Variants in PLXNA2 observed in about 807,000 individuals in gnomAD.
The protein encoded by PLXNA2 is plexin-A2.
PLXNA2 carries 91 observed loss-of-function variants against 193.5 expected under a neutral mutation model. The observed-to-expected ratio is 0.47, with a 90% CI of 0.40 to 0.56. The LOEUF is 0.56. PLXNA2 is among the 20% of genes least tolerant of loss of function. PLXNA2 has a pLI of 0.00. For missense variants in PLXNA2, 1,995 were observed against 2,503.2 expected, an observed-to-expected ratio of 0.80 and a Z score of 4.33; for synonymous variants, 997 against 1,027.3, an observed-to-expected ratio of 0.97 and a Z score of 0.56.
chr1:208,057,207 C>G (rs1454379273), intron 13 of PLXNA2, among the ~76,000 whole-genome samples: 2 of 152,202 alleles, frequency 1.3e-5, no homozygotes, highest in Non-Finnish European at 2.9e-5. Flanking sequence ...GGCTCTGCTA[C>G]AGAGCGGGTC....
At chr1:208,080,741 A>G (rs149655377) in intron 11 of PLXNA2, among the ~76,000 whole-genome samples, 62 of 152,332 alleles carry the variant, frequency 4.1e-4, no homozygotes, top group African/African-American at 1.4e-3. Context: ...ATCTATAAAT[A>G]TGTACCACAT....
At position 208,120,227 on chromosome 1, in the gene PLXNA2, T is replaced by C. The variant is rs554128099; in HGVS notation, c.1507-16980A>G. ...CTCTGCCCTCCTACAGCTTGCTAAC[T>C]AGTTGGAAGAGCATAACAAAGATGT... is the stretch of plus-strand genomic sequence containing the variant. On this transcript the variant is annotated intron_variant, in intron 4 of 31. Transcript: ENST00000367033. Among the ~76,000 whole-genome samples the C allele has an allele frequency of 2.0e-5, 3 of 152,306 alleles. No homozygotes were observed. In the East Asian group the frequency reaches 5.8e-4, roughly 29 times the overall value.
chr1:208,106,548 C>T (rs1571923072), intron 4 of PLXNA2, among the ~76,000 whole-genome samples: 3 of 152,262 alleles, frequency 2.0e-5, no homozygotes, highest in East Asian at 3.9e-4. Flanking sequence ...CTTCATGCGG[C>T]TATTGAGTTT....
intron 4 of PLXNA2, among the ~76,000 whole-genome samples, chr1:208,113,949 A>G (rs1312864708): frequency 1.3e-5 from 2 of 152,180 alleles, no homozygotes; most frequent in Non-Finnish European, 2.9e-5. Flanking sequence ...GGAGCCCAAG[A>G]AGAAGCTGGT....
chr1:208,200,031 T>A (rs191518158), intron 3 of PLXNA2, among the ~76,000 whole-genome samples: 14 of 152,216 alleles, frequency 9.2e-5, no homozygotes, highest in Non-Finnish European at 2.1e-4. Context: ...TCCCCTCAAT[T>A]GTCAAGCGTG....
chr1:208,098,779 T>C, intron 6 of PLXNA2, 67 bp downstream of exon 6: 1 of 1,545,618 alleles, frequency 6.5e-7, no homozygotes, highest in Non-Finnish European at 8.8e-7. Context: ...CAAGCGTGAA[T>C]GGAGCACACC....
intron 3 of PLXNA2, among the ~76,000 whole-genome samples, chr1:208,142,880 A>G (rs1161715189): frequency 2.0e-5 from 3 of 152,222 alleles, no homozygotes; most frequent in Admixed American, 2.0e-4. Flanking sequence ...GCCTCAGACA[A>G]GTATGAAGGA....
chr1:208,207,592 C>T lies in PLXNA2; in HGVS notation c.1371+2688G>A, dbSNP rs559708123. Among the ~76,000 whole-genome samples the T allele has an allele frequency of 5.9e-5, 9 of 152,318 alleles. No individual in the cohort carries two copies. The East Asian group carries it at 7.7e-4, about 13-fold the overall frequency. ...CGCCGGGAGAAGTGAGTAGTTCTGA[C>T]GCACCCGGCTTCCCTTCCCTTTCCA... On this transcript the variant is annotated intron_variant, in intron 3 of 31. Transcript: ENST00000367033.
chr1:208,228,557 CT>C (rs912946863), intron 1 of PLXNA2, among the ~76,000 whole-genome samples: 2 of 152,196 alleles, frequency 1.3e-5, no homozygotes, highest in African/African-American at 4.8e-5. Flanking sequence ...CATTGTCTGA[CT>C]TTGCCAGGCA....
intron 3 of PLXNA2, among the ~76,000 whole-genome samples, chr1:208,188,444 C>T (rs1670074095): frequency 6.6e-6 from 1 of 152,202 alleles, no homozygotes; most frequent in African/African-American, 2.4e-5. Context: ...CGCAGTGGCT[C>T]ACGCCTGTAA....
intron 14 of PLXNA2, 71 bp from the exon 15 acceptor site, chr1:208,052,534 A>C: frequency 2.1e-6 from 3 of 1,462,638 alleles, no homozygotes; most frequent in Non-Finnish European, 2.8e-6. Context: ...GTTAGATCTA[A>C]GGATGGGAGA....
intron 12 of PLXNA2, among the ~76,000 whole-genome samples, chr1:208,062,730 T>C (rs1414185199): frequency 6.6e-6 from 1 of 152,080 alleles, no homozygotes; most frequent in Non-Finnish European, 1.5e-5. Context: ...GAGGTGTCTC[T>C]GTATGCTGGG....
rs1452327210 is a variant in PLXNA2 at position 208,082,294 on chromosome 1, G to A, written c.2395+118C>T. ...GCTTTAGGATCCTCTGAAGAGTTCC[G>A]CCGACAGAGGGAGTGTATTATTCAT... On this transcript the variant is annotated intron_variant, in intron 11 of 31. Coordinates refer to ENST00000367033, the MANE Select transcript of PLXNA2 (RefSeq NM_025179.4). This position sits in a 1 kb window ranked among gnomAD's most constrained non-coding sequence, Gnocchi z 4.2. 119 of 759,350 alleles carry A rather than the reference G, an allele frequency of 1.6e-4. 1 individual carries two copies. The South Asian group carries it at 1.7e-3, about 11-fold the overall frequency. The allele number at this position is 759,350 out of a possible 1,614,324, so 47.0% of individuals were successfully genotyped here.
intron 14 of PLXNA2, among the ~76,000 whole-genome samples, chr1:208,053,785 A>G (rs796955118): frequency 3.9e-5 from 6 of 152,332 alleles, no homozygotes; most frequent in African/African-American, 1.4e-4. Flanking sequence ...TTCAGTATGA[A>G]TAGAGTGCCA....
At chr1:208,218,132 A>G (rs1263633552) in intron 1 of PLXNA2, 130 bp from the exon 2 acceptor site, 2 of 716,882 alleles carry the variant, frequency 2.8e-6, no homozygotes, top group East Asian at 5.4e-5. Flanking sequence ...TGGTTTTTCT[A>G]TTTTTAACAT....
chr1:208,072,813 C>A (rs1036583524), intron 12 of PLXNA2, among the ~76,000 whole-genome samples: 6 of 152,172 alleles, frequency 3.9e-5, no homozygotes, highest in Non-Finnish European at 7.3e-5. Flanking sequence ...GTGAAGATTA[C>A]TTTAAGGCTC....
chr1:208,223,544 G>A (rs1210854681), intron 1 of PLXNA2, among the ~76,000 whole-genome samples: 1 of 152,240 alleles, frequency 6.6e-6, no homozygotes, highest in African/African-American at 2.4e-5. Flanking sequence ...TTAAGGGGCA[G>A]AATGAAAGAA....
At chr1:208,084,247 T>G (rs945540620) in intron 10 of PLXNA2, 133 bp downstream of exon 10, 2 of 923,222 alleles carry the variant, frequency 2.2e-6, no homozygotes. Context: ...GGCTGGCTCC[T>G]GCATCCCTGG....
chr1:208,179,718 G>GT (rs752600014), intron 3 of PLXNA2, among the ~76,000 whole-genome samples: 2 of 152,150 alleles, frequency 1.3e-5, no homozygotes, highest in African/African-American at 2.4e-5. Context: ...AGGGTAGGAG[G>GT]CTTCAGCAAA....
Sources: allele counts gnomAD v4.1 joint callset (sites outside exome capture counted in the v4.1 genomes callset), GRCh38; gene constraint gnomAD v4.1.1; non-coding constraint Gnocchi (gnomAD v3.1); transcripts MANE v1.5; gene names NCBI Gene and HGNC (gene_info 2026-07-23, HGNC 2026-07-21).